Variants in TDRP observed in about 807,000 individuals in gnomAD.
TDRP encodes the protein testis development-related protein.
TDRP carries 12 observed loss-of-function variants against 10.5 expected under a neutral mutation model. That is an observed-to-expected ratio of 1.15 (90% CI 0.73 to 1.86). The LOEUF (loss-of-function observed/expected upper bound fraction) is 1.86. Ranked by LOEUF, TDRP falls within the 40% of genes most tolerant of loss-of-function variation. The probability of loss-of-function intolerance (pLI) is 0.00; values close to 1 mark genes in which losing one functional copy is unlikely to be tolerated. For missense variants in TDRP, 353 were observed against 229.2 expected, an observed-to-expected ratio of 1.54 and a Z score of -3.49; for synonymous variants, 139 against 95.4, an observed-to-expected ratio of 1.46 and a Z score of -2.67.
chr8:518,355 A>C (rs998290516), intron 1 of TDRP, among the ~76,000 whole-genome samples: 1 of 152,232 alleles, frequency 6.6e-6, no homozygotes, highest in African/African-American at 2.4e-5. Flanking sequence ...CAACAAAGCC[A>C]ACAGGCATGG....
At chr8:524,584 T>A (rs1030936649) in intron 1 of TDRP, among the ~76,000 whole-genome samples, 1 of 152,076 alleles carries the variant, frequency 6.6e-6, no homozygotes, top group African/African-American at 2.4e-5. Context: ...GACCAGGAGA[T>A]TGAAATAAGT....
intron 1 of TDRP, among the ~76,000 whole-genome samples, chr8:533,228 C>T (rs1802255174): frequency 6.6e-6 from 1 of 152,192 alleles, no homozygotes; most frequent in Non-Finnish European, 1.5e-5. Context: ...ATAAGCCTCT[C>T]CCTTCTGACC....
At chr8:505,153 C>G (rs923566617) in intron 1 of TDRP, among the ~76,000 whole-genome samples, 1 of 152,166 alleles carries the variant, frequency 6.6e-6, no homozygotes, top group African/African-American at 2.4e-5. Context: ...CAAAAATTCT[C>G]AACACTGCCT....
intron 1 of TDRP, among the ~76,000 whole-genome samples, chr8:536,676 G>A (rs1345920798): frequency 6.6e-6 from 1 of 152,168 alleles, no homozygotes; most frequent in Non-Finnish European, 1.5e-5. Context: ...GTAATATGCT[G>A]AATATATCAA....
chr8:524,488 G>C (rs1395569278), intron 1 of TDRP, among the ~76,000 whole-genome samples: 1 of 152,156 alleles, frequency 6.6e-6, no homozygotes, highest in Non-Finnish European at 1.5e-5. Flanking sequence ...CTTTCACAGA[G>C]AGAATTCAAA....
intron 1 of TDRP, among the ~76,000 whole-genome samples, chr8:499,374 T>A (rs1484793907): frequency 6.6e-6 from 1 of 152,180 alleles, no homozygotes; most frequent in African/African-American, 2.4e-5. Flanking sequence ...CACGCTGGGC[T>A]GGCAGTAGAA....
chr8:539,305 G>T (rs150038878), intron 1 of TDRP, among the ~76,000 whole-genome samples: 1 of 152,262 alleles, frequency 6.6e-6, no homozygotes, highest in Non-Finnish European at 1.5e-5. Context: ...TTGAGAGGAT[G>T]TAGTGTGAAG....
In TDRP at chr8:490,790, A is replaced by C. The variant is rs1800947733; in HGVS notation, c.*1609T>G. Reference sequence around the variant, plus strand: ...AAAACCTCCACAACTTCACCATTTCAAGGTTCTAATACAAGCTGGAATTTT... The same window carrying C: ...AAAACCTCCACAACTTCACCATTTCCAGGTTCTAATACAAGCTGGAATTTT... On this transcript the variant is annotated 3_prime_UTR_variant, in exon 3 of 3. Coordinates refer to ENST00000324079, the MANE Select transcript of TDRP (RefSeq NM_001384899.1). 6.6e-6 allele frequency: 1 copy of C among 152,194 alleles called. No individual in the cohort carries two copies. The highest frequency in any genetic ancestry group is 1.5e-5 in the Non-Finnish European group (1 of 68,038). The allele number at this position is 152,194 out of a possible 1,614,324, so 9.4% of individuals were successfully genotyped here.
intron 1 of TDRP, among the ~76,000 whole-genome samples, chr8:542,489 T>C (rs2116886369): frequency 6.6e-6 from 1 of 152,174 alleles, no homozygotes; most frequent in Admixed American, 6.5e-5. Context: ...CTCCTCAAAT[T>C]TGCTGGGCAC....
intron 1 of TDRP, among the ~76,000 whole-genome samples, chr8:495,693 T>C (rs1412572787): frequency 6.6e-6 from 1 of 152,102 alleles, no homozygotes; most frequent in Non-Finnish European, 1.5e-5. Flanking sequence ...AAAAATATAA[T>C]ACAAAAATAA....
At chr8:532,666 G>A (rs1802238343) in intron 1 of TDRP, among the ~76,000 whole-genome samples, 1 of 152,184 alleles carries the variant, frequency 6.6e-6, no homozygotes, top group Non-Finnish European at 1.5e-5. Flanking sequence ...TTATTTCTGA[G>A]TTTAGCATTA....
chr8:509,678 T>C (rs1047453938), intron 1 of TDRP, among the ~76,000 whole-genome samples: 23 of 152,294 alleles, frequency 1.5e-4, no homozygotes, highest in South Asian at 2.1e-4. Flanking sequence ...CAAAGGTCTC[T>C]GACATGCCCT....
At position 522,147 on chromosome 8, in the gene TDRP, G is replaced by C. The variant is rs116247263; in HGVS notation, c.108+22503C>G. 4.6e-3 allele frequency among the ~76,000 whole-genome samples: 706 copies of C among 152,266 alleles called. 3 individuals carry two copies. Among genetic ancestry groups the C allele is most frequent in the African/African-American group, 0.016 (672 of 41,548 alleles). On this transcript the variant is annotated intron_variant, in intron 1 of 2. Transcript: ENST00000324079. Reference sequence around the variant, plus strand: ...TTAGGGTTCTCTACATACAAGGTCAGACAGTCCCCTATTTACATTGTGCTA... The same window carrying C: ...TTAGGGTTCTCTACATACAAGGTCACACAGTCCCCTATTTACATTGTGCTA...
intron 1 of TDRP, among the ~76,000 whole-genome samples, chr8:501,722 T>A (rs1231484779): frequency 6.6e-6 from 1 of 152,196 alleles, no homozygotes; most frequent in Admixed American, 6.5e-5. Flanking sequence ...AAGCCAGGTA[T>A]CCCAATTTCT....
chr8:530,418 T>C (rs1276827024), intron 1 of TDRP, among the ~76,000 whole-genome samples: 1 of 152,162 alleles, frequency 6.6e-6, no homozygotes, highest in Non-Finnish European at 1.5e-5. Flanking sequence ...TCTTCATATG[T>C]CTCATTATTT....
rs372166569 is a variant in TDRP at position 525,111 on chromosome 8, T to C, written c.108+19539A>G. Among the ~76,000 whole-genome samples the C allele has an allele frequency of 6.6e-5, 10 of 152,330 alleles. No homozygotes were observed. In the South Asian group the frequency reaches 2.1e-3, roughly 32 times the overall value. On this transcript the variant is annotated intron_variant, in intron 1 of 2. Transcript: ENST00000324079. The stretch of plus-strand genomic sequence containing the variant: ...GCATACAATGGAGCTCCGATAGGTC[T>C]GGCAGCAGGCTTTTCAGTGGAAACC...
At chr8:506,946 G>T (rs750133615) in intron 1 of TDRP, among the ~76,000 whole-genome samples, 2 of 152,162 alleles carry the variant, frequency 1.3e-5, no homozygotes, top group African/African-American at 4.8e-5. Flanking sequence ...CTGCTATAAA[G>T]AATAATACCT....
At position 506,036 on chromosome 8, in the gene TDRP, C is replaced by A. The variant is rs533765202; in HGVS notation, c.109-11439G>T. On this transcript the variant is annotated intron_variant, in intron 1 of 2. Transcript: ENST00000324079. ...TAATGGCTGGGGGTCTGGGTGTCCT[C>A]TTTCTCCTCACCCATTCAGCCATGG... Among the ~76,000 whole-genome samples, 5 of 152,242 alleles carry A rather than the reference C, an allele frequency of 3.3e-5. No homozygotes were observed. In the South Asian group the frequency reaches 1.0e-3, roughly 32 times the overall value.
At chr8:518,475 G>C (rs976268628) in intron 1 of TDRP, among the ~76,000 whole-genome samples, 2 of 151,950 alleles carry the variant, frequency 1.3e-5, no homozygotes, top group Admixed American at 6.6e-5. Flanking sequence ...AAAGAACAAA[G>C]AAAACAGATG....
Sources: gnomAD v4.1 joint callset for allele counts (sites outside exome capture counted in the v4.1 genomes callset) on GRCh38, gnomAD v4.1.1 for gene constraint, MANE v1.5 for transcripts, NCBI Gene and HGNC (gene_info 2026-07-23, HGNC 2026-07-21) for gene names.